FANCI: variants seen among roughly 807,000 people sequenced by gnomAD.
FANCI encodes the protein FA complementation group I.
FANCI carries 156 observed loss-of-function variants against 176.1 expected under a neutral mutation model. That is an observed-to-expected ratio of 0.89 (90% confidence interval 0.78 to 1.01). The LOEUF is 1.01. Among genes scored for constraint, FANCI ranks in the 50% least tolerant of loss-of-function variants. FANCI has a pLI of 0.00. For missense variants in FANCI, 1,678 were observed against 1,534.1 expected, an observed-to-expected ratio of 1.09 and a Z score of -1.57; for synonymous variants, 613 against 541.7, an observed-to-expected ratio of 1.13 and a Z score of -1.83.
intron 28 of FANCI, among the ~76,000 whole-genome samples, chr15:89,304,772 C>T (rs1443715260): frequency 7.7e-5 from 11 of 142,926 alleles, no homozygotes; most frequent in Non-Finnish European, 1.6e-4. Flanking sequence ...TGGGTTATAA[C>T]TTAACTTTTT....
At chr15:89,281,445 A>G in intron 15 of FANCI, 145 bp downstream of exon 15, 1 of 985,758 alleles carries the variant, frequency 1.0e-6, no homozygotes, top group Non-Finnish European at 1.6e-6. Flanking sequence ...TAAAAGGGCA[A>G]GAGCATTGAG....
chr15:89,281,006 T>G (rs1464250256), intron 14 of FANCI, among the ~76,000 whole-genome samples, 164 bp from the exon 15 acceptor site: 1 of 152,214 alleles, frequency 6.6e-6, no homozygotes, highest in South Asian at 2.1e-4. Flanking sequence ...CCTGGTTACA[T>G]TGGAGAAAAA....
intron 34 of FANCI, among the ~76,000 whole-genome samples, chr15:89,311,093 T>TA (rs10715067): frequency 0.029 from 4,353 of 151,600 alleles, 79 homozygotes; most frequent in Non-Finnish European, 0.042. Flanking sequence ...CCATTTCTAC[T>TA]AAAAAAAATA....
chr15:89,261,573 G>A lies in FANCI; in HGVS notation c.289-12G>A, dbSNP rs200358693. On this transcript the variant is annotated splice_polypyrimidine_tract_variant and intron_variant, in intron 4 of 37. Coordinates refer to ENST00000310775, the MANE Select transcript of FANCI (RefSeq NM_001113378.2). ...TTCTGCTTGAGATTTCCTTTATCCT[G>A]TGAACTTTTAGGCTCACCATTTTCC... is the stretch of plus-strand genomic sequence containing the variant. The A allele has an allele frequency of 6.2e-7, 1 of 1,613,974 alleles. No individual in the cohort carries two copies. The highest frequency in any genetic ancestry group is 8.5e-7 in the Non-Finnish European group (1 of 1,179,964).
chr15:89,274,429 C>T (rs992321351), intron 12 of FANCI, 125 bp downstream of exon 12: 15 of 1,050,878 alleles, frequency 1.4e-5, no homozygotes, highest in Admixed American at 4.2e-5. Flanking sequence ...CGTCACACAT[C>T]GAGGTTCATT....
chr15:89,300,409 G>A (rs745901096), intron 26 of FANCI, 24 bp downstream of exon 26: 8 of 1,602,982 alleles, frequency 5.0e-6, no homozygotes, highest in Admixed American at 1.7e-5. Flanking sequence ...CAAAGCTGCT[G>A]TACTGGCCTG....
At chr15:89,294,138 G>A in intron 23 of FANCI, 141 bp downstream of exon 23, 1 of 948,516 alleles carries the variant, frequency 1.1e-6, no homozygotes, top group South Asian at 1.4e-5. Context: ...ATAAAAGCTG[G>A]ACAATCCTAG....
chr15:89,295,179 A>G, intron 24 of FANCI, 85 bp downstream of exon 24: 2 of 1,434,536 alleles, frequency 1.4e-6, no homozygotes, highest in African/African-American at 1.4e-5. Flanking sequence ...GGATGAAGGT[A>G]ATTTGAGGTT....
intron 24 of FANCI, among the ~76,000 whole-genome samples, chr15:89,299,560 A>C (rs1259522479): frequency 1.3e-5 from 2 of 152,206 alleles, no homozygotes; most frequent in East Asian, 3.9e-4. Flanking sequence ...AGAAAGTAAA[A>C]CCATAGGGAC....
intron 7 of FANCI, 125 bp downstream of exon 7, chr15:89,263,585 T>G (rs776269370): frequency 2.2e-6 from 2 of 928,716 alleles, no homozygotes; most frequent in Non-Finnish European, 3.4e-6. Context: ...AGTTATGTTT[T>G]CTGTTACAGA....
intron 16 of FANCI, chr15:89,282,361 A>ATAC: frequency 1.8e-5 from 3 of 165,852 alleles, no homozygotes; most frequent in Admixed American, 1.1e-4. Context: ...TTAATTGTTG[A>ATAC]GGGGAATGAG....
chr15:89,308,459 A>G (rs1487253254), intron 34 of FANCI, among the ~76,000 whole-genome samples: 3 of 152,230 alleles, frequency 2.0e-5, no homozygotes, highest in African/African-American at 7.2e-5. Flanking sequence ...TGAGGAATCA[A>G]AGAGAATGGG....
At chr15:89,258,872 A>G (rs1016070179) in intron 3 of FANCI, 96 bp downstream of exon 3, 10 of 908,630 alleles carry the variant, frequency 1.1e-5, no homozygotes, top group Admixed American at 1.8e-5. Flanking sequence ...GCCCCACTGG[A>G]ACATTTTCCA....
At chr15:89,263,394 A>G in intron 6 of FANCI, 25 bp from the exon 7 acceptor site, 1 of 1,602,022 alleles carries the variant, frequency 6.2e-7, no homozygotes, top group Non-Finnish European at 8.6e-7. Flanking sequence ...GTAAAGAAAT[A>G]AACTTTGTCA....
intron 16 of FANCI, chr15:89,282,293 C>T (rs986306061): frequency 1.6e-5 from 3 of 183,594 alleles, no homozygotes; most frequent in Admixed American, 1.1e-4. Context: ...GAAGATTATA[C>T]TTAAGAATCT....
chr15:89,307,889 A>G, intron 34 of FANCI: 2 of 1,431,238 alleles, frequency 1.4e-6, no homozygotes, highest in South Asian at 1.5e-5. Flanking sequence ...GGAGAAAGGA[A>G]GCATATATGT....
At chr15:89,311,702 T>C (rs1278911038) in intron 34 of FANCI, among the ~76,000 whole-genome samples, 1 of 152,218 alleles carries the variant, frequency 6.6e-6, no homozygotes, top group Non-Finnish European at 1.5e-5. Context: ...AGTTCCTTAT[T>C]TTCCAGAACG....
intron 17 of FANCI, among the ~76,000 whole-genome samples, chr15:89,283,823 GCTCACTGCAA>G (rs2053713042): frequency 6.6e-6 from 1 of 151,520 alleles, no homozygotes; most frequent in African/African-American, 2.4e-5. Context: ...CGCGATCTCG[GCTCACTGCAA>G]CTCACTGCAA....
chr15:89,307,584 C>T (rs750159769), intron 33 of FANCI, 29 bp from the exon 34 acceptor site: 1 of 1,614,210 alleles, frequency 6.2e-7, no homozygotes, highest in Non-Finnish European at 8.5e-7. Context: ...CTGCTGGTTA[C>T]ATTGGTTTCC....
Sources: allele counts gnomAD v4.1 joint callset (sites outside exome capture counted in the v4.1 genomes callset), GRCh38; gene constraint gnomAD v4.1.1; transcripts MANE v1.5; gene names NCBI Gene and HGNC (gene_info 2026-07-23, HGNC 2026-07-21).